The following CAMKMT variants were observed in gnomAD, a reference collection of about 807,000 sequenced individuals.
CAMKMT encodes the protein CaM KMT.
A neutral mutation model predicts 48.0 loss-of-function variants in CAMKMT; 53 were observed. That is an observed-to-expected ratio of 1.10 (90% CI 0.89 to 1.39). The LOEUF (loss-of-function observed/expected upper bound fraction) is 1.39, where lower values mean the gene tolerates loss of function less well. CAMKMT is among the 40% of genes most tolerant of loss of function. The pLI, the probability that CAMKMT is intolerant of heterozygous loss-of-function variation, is 0.00. For synonymous variants in CAMKMT, 165 were observed against 152.3 expected (o/e 1.08, Z -0.61); for missense variants, 428 against 402.7 (o/e 1.06, Z -0.54).
chr2:44,478,910 A>G (rs565473028), intron 3 of CAMKMT, among the ~76,000 whole-genome samples: 155 of 152,292 alleles, frequency 1.0e-3, no homozygotes, highest in African/African-American at 3.6e-3. Context: ...CATGTTAGCC[A>G]GGATGGTCTC....
intron 3 of CAMKMT, among the ~76,000 whole-genome samples, chr2:44,546,666 C>G (rs769827939): frequency 1.3e-5 from 2 of 152,174 alleles, no homozygotes; most frequent in Non-Finnish European, 2.9e-5. Flanking sequence ...GGGCAGCTGT[C>G]AGAAATGGGT....
rs1672058992 is a variant in CAMKMT at position 44,619,453 on chromosome 2, GATT to G, written c.377-84827_377-84825del. ...TTTATAAGTGAGAATAATTTTAGCT[GATT>G]ATGTGTGTATATATATATATATATG... On this transcript the variant is annotated intron_variant, in intron 3 of 10. Transcript: ENST00000378494. Among the ~76,000 whole-genome samples, 13 of 113,250 alleles carry G rather than the reference GATT, an allele frequency of 1.1e-4. No homozygotes were observed. In the Admixed American group the frequency reaches 1.4e-3, roughly 12 times the overall value. 74.3% of individuals were successfully genotyped at this position (113,250 alleles called of 152,430 possible).
rs759121160 is a variant in CAMKMT, at chr2:44,707,420, AAAG to A, written c.518_520del (p.Glu173del). 1.2e-6 allele frequency: 2 copies of A among 1,612,592 alleles called. No individual in the cohort carries two copies. The highest frequency in any genetic ancestry group is 4.5e-5 in the East Asian group (2 of 44,812). Reference sequence around the variant, plus strand: ...TCAGGTTGCTATTTCTGCAGATGTCAAAGAAGTTCTGTTAACTGATGGGAATGA... The same window carrying A: ...TCAGGTTGCTATTTCTGCAGATGTCAAAGTTCTGTTAACTGATGGGAATGA... On this transcript the variant is annotated inframe_deletion, in exon 6 of 11. Transcript: ENST00000378494.
intron 3 of CAMKMT, among the ~76,000 whole-genome samples, chr2:44,668,618 T>C (rs1002429968): frequency 6.6e-6 from 1 of 152,168 alleles, no homozygotes; most frequent in Non-Finnish European, 1.5e-5. Flanking sequence ...TATTTTTCTT[T>C]ACTTTTTTTG....
intron 3 of CAMKMT, among the ~76,000 whole-genome samples, chr2:44,397,731 A>G (rs1487648410): frequency 6.6e-6 from 1 of 152,230 alleles, no homozygotes; most frequent in Non-Finnish European, 1.5e-5. Context: ...AGAAGGAAAA[A>G]GAAGTCTCTT....
chr2:44,523,632 T>C (rs1190115412), intron 3 of CAMKMT, among the ~76,000 whole-genome samples: 1 of 152,016 alleles, frequency 6.6e-6, no homozygotes, highest in Non-Finnish European at 1.5e-5. Flanking sequence ...TTTGCTCACA[T>C]GTCTGGTAAC....
At chr2:44,616,287 G>C (rs185305067) in intron 3 of CAMKMT, among the ~76,000 whole-genome samples, 2 of 152,294 alleles carry the variant, frequency 1.3e-5, no homozygotes, top group African/African-American at 4.8e-5. Flanking sequence ...CTGTTGCAAT[G>C]TATTTTTACA....
At chr2:44,574,633 ATTT>A (rs36097066) in intron 3 of CAMKMT, among the ~76,000 whole-genome samples, 1 of 149,506 alleles carries the variant, frequency 6.7e-6, no homozygotes. Flanking sequence ...ACAAGCTATG[ATTT>A]TTTTTTTTTG....
chr2:44,540,764 A>G (rs950754144), intron 3 of CAMKMT, among the ~76,000 whole-genome samples: 2 of 152,206 alleles, frequency 1.3e-5, no homozygotes, highest in African/African-American at 4.8e-5. Flanking sequence ...AAAGAAACTC[A>G]GATATGGGTT....
chr2:44,643,920 G>T (rs1377348591), intron 3 of CAMKMT, among the ~76,000 whole-genome samples: 1 of 152,190 alleles, frequency 6.6e-6, no homozygotes, highest in Non-Finnish European at 1.5e-5. Flanking sequence ...GCGACAAACT[G>T]TTGAGATGGT....
chr2:44,631,623 G>T, intron 3 of CAMKMT: 1 of 471,990 alleles, frequency 2.1e-6, no homozygotes, highest in Non-Finnish European at 3.7e-6. Context: ...CTTGCGGACA[G>T]TTGTATAGTT....
intron 3 of CAMKMT, among the ~76,000 whole-genome samples, chr2:44,603,570 G>C (rs1671121441): frequency 2.6e-5 from 4 of 152,302 alleles, no homozygotes; most frequent in Admixed American, 1.3e-4. Context: ...GGTCAGCTGA[G>C]TGATTTTTCT....
At chr2:44,574,073 A>G (rs1369482578) in intron 3 of CAMKMT, among the ~76,000 whole-genome samples, 1 of 152,230 alleles carries the variant, frequency 6.6e-6, no homozygotes, top group African/African-American at 2.4e-5. Context: ...ATACAGTAGT[A>G]TATTACAGTT....
chr2:44,575,120 C>T (rs933198607), intron 3 of CAMKMT, among the ~76,000 whole-genome samples: 1 of 151,610 alleles, frequency 6.6e-6, no homozygotes, highest in Non-Finnish European at 1.5e-5. Flanking sequence ...ACTCTGTCAC[C>T]CAGGCTGGGG....
At chr2:44,421,048 A>G (rs1182741918) in intron 3 of CAMKMT, among the ~76,000 whole-genome samples, 2 of 152,142 alleles carry the variant, frequency 1.3e-5, no homozygotes, top group Non-Finnish European at 2.9e-5. Context: ...TAGGGTAGCA[A>G]TGGTTAAAAT....
intron 3 of CAMKMT, among the ~76,000 whole-genome samples, chr2:44,402,742 T>G (rs1280435749): frequency 7.8e-6 from 1 of 127,614 alleles, no homozygotes; most frequent in Non-Finnish European, 1.5e-5. Flanking sequence ...GTTTTGCTGT[T>G]TTTTTTTTTT....
chr2:44,516,049 G>T (rs972435333), intron 3 of CAMKMT, among the ~76,000 whole-genome samples: 2 of 152,060 alleles, frequency 1.3e-5, no homozygotes, highest in Non-Finnish European at 2.9e-5. Flanking sequence ...CAGGAAATAT[G>T]TACTAGAAGC....
At position 44,521,999 on chromosome 2, in the gene CAMKMT, TTTTC is replaced by T. The variant is rs1224767332; in HGVS notation, c.376+131706_376+131709del. Among the ~76,000 whole-genome samples, 61 of 151,802 alleles carry T rather than the reference TTTTC, an allele frequency of 4.0e-4. 3 individuals carry two copies. Among genetic ancestry groups the T allele is most frequent in the Admixed American group, 1.3e-3 (20 of 15,274 alleles). ...GTTATGCAACCTCTGTTTTCTCTTC[TTTTC>T]TTTCTTTCTTTTTTTTTTTTTGACA... On this transcript the variant is annotated intron_variant, in intron 3 of 10. Coordinates refer to ENST00000378494, the MANE Select transcript of CAMKMT (RefSeq NM_024766.5).
intron 3 of CAMKMT, among the ~76,000 whole-genome samples, chr2:44,458,950 AT>A (rs1014426606): frequency 6.6e-6 from 1 of 152,208 alleles, no homozygotes; most frequent in African/African-American, 2.4e-5. Context: ...AAGTATAAAA[AT>A]AAGACAAGTA....
Sources: allele counts gnomAD v4.1 joint callset (sites outside exome capture counted in the v4.1 genomes callset), GRCh38; gene constraint gnomAD v4.1.1; transcripts MANE v1.5; gene names NCBI Gene and HGNC (gene_info 2026-07-23, HGNC 2026-07-21).